ARID2: variants seen among roughly 807,000 people sequenced by gnomAD.
ARID2 encodes the protein AT-rich interactive domain-containing protein 2.
Under a neutral mutation model 184.6 loss-of-function variants are expected in ARID2, and 32 were observed. The observed-to-expected ratio is 0.17, with a 90% CI of 0.13 to 0.23. The LOEUF (loss-of-function observed/expected upper bound fraction) is 0.23, where lower values mean the gene tolerates loss of function less well. Among genes scored for constraint, ARID2 ranks in the 10% least tolerant of loss-of-function variants. The pLI is 1.00. For synonymous variants in ARID2, 836 were observed against 772.6 expected (o/e 1.08, Z -1.36); for missense variants, 1,696 against 2,197.6 (o/e 0.77, Z 4.56).
chr12:45,885,817 A>T (rs190701167), intron 16 of ARID2, among the ~76,000 whole-genome samples: 60 of 152,332 alleles, frequency 3.9e-4, no homozygotes, highest in African/African-American at 1.3e-3. Context: ...CTCACTCAGT[A>T]TCACAAGAAC....
chr12:45,822,680 T>G (rs887148829), intron 6 of ARID2, among the ~76,000 whole-genome samples: 1 of 152,154 alleles, frequency 6.6e-6, no homozygotes, highest in African/African-American at 2.4e-5. Context: ...GTTGTAAAAA[T>G]TTTGATATTG....
intron 14 of ARID2, 65 bp downstream of exon 14, chr12:45,849,841 A>G (rs1943509363): frequency 1.3e-6 from 2 of 1,493,852 alleles, no homozygotes; most frequent in Middle Eastern, 2.3e-4. Context: ...TGAAAAATAT[A>G]TATTCTATGC....
intron 11 of ARID2, chr12:45,841,176 G>A (rs1486383873): frequency 6.6e-6 from 1 of 152,214 alleles, no homozygotes; most frequent in Non-Finnish European, 1.5e-5. Flanking sequence ...TTGATAAAAT[G>A]TCAGTGAATA....
chr12:45,795,526 G>A (rs1331916642), intron 3 of ARID2, among the ~76,000 whole-genome samples: 1 of 151,924 alleles, frequency 6.6e-6, no homozygotes, highest in East Asian at 1.9e-4. Flanking sequence ...TCCGCCTCCC[G>A]GGTTCACGCC....
At chr12:45,747,249 A>G (rs1941377698) in intron 3 of ARID2, among the ~76,000 whole-genome samples, 1 of 152,114 alleles carries the variant, frequency 6.6e-6, no homozygotes, top group African/African-American at 2.4e-5. Context: ...TCTTTAATGT[A>G]TCTTTTTGTA....
At chr12:45,854,598 C>T (rs1021581385) in intron 15 of ARID2, among the ~76,000 whole-genome samples, 5 of 152,154 alleles carry the variant, frequency 3.3e-5, no homozygotes, top group African/African-American at 1.2e-4. Flanking sequence ...TAATTTCCCA[C>T]TTCACCTTGA....
At chr12:45,820,374 T>C (rs1023367081) in intron 5 of ARID2, among the ~76,000 whole-genome samples, 1 of 152,204 alleles carries the variant, frequency 6.6e-6, no homozygotes, top group Non-Finnish European at 1.5e-5. Context: ...TTTATTTTAC[T>C]CAATTTTAAC....
At chr12:45,887,206 A>G (rs941748632) in intron 16 of ARID2, among the ~76,000 whole-genome samples, 1 of 152,232 alleles carries the variant, frequency 6.6e-6, no homozygotes, top group Non-Finnish European at 1.5e-5. Context: ...AATAATAAGC[A>G]GGAAACCAAC....
chr12:45,895,162 T>C (rs368275335), intron 20 of ARID2, among the ~76,000 whole-genome samples: 13 of 152,256 alleles, frequency 8.5e-5, no homozygotes, highest in East Asian at 7.7e-4. Context: ...TTTTTTTATG[T>C]GGCTTTTTCC....
chr12:45,753,810 T>C (rs1941513776), intron 3 of ARID2, among the ~76,000 whole-genome samples: 1 of 152,116 alleles, frequency 6.6e-6, no homozygotes, highest in Admixed American at 6.5e-5. Flanking sequence ...CTCAGGCTGG[T>C]CTCGAACTCC....
At chr12:45,758,304 G>A (rs1425788667) in intron 3 of ARID2, among the ~76,000 whole-genome samples, 2 of 152,002 alleles carry the variant, frequency 1.3e-5, no homozygotes, top group Admixed American at 6.6e-5. Flanking sequence ...ATGCAGCCCC[G>A]TGGGCTGTAT....
chr12:45,905,952 C>CTTTTTTTTTTTTTTTTTT lies in ARID2; in HGVS notation c.*885_*886insTTTTTTTTTTTTTTTTTT, dbSNP rs200988904. 9.5e-5 allele frequency: 13 copies of CTTTTTTTTTTTTTTTTTT among 137,260 alleles called. No homozygotes were observed. The highest frequency in any genetic ancestry group is 2.7e-4 in the South Asian group (1 of 3,674). 8.5% of individuals were successfully genotyped at this position (137,260 alleles called of 1,614,324 possible). ...TTTTTTCTTTTTTCTTTTTTTTTTT[C>CTTTTTTTTTTTTTTTTTT]TTTTTTTTTTTGTATTATACACCTT... On this transcript the variant is annotated 3_prime_UTR_variant, in exon 21 of 21. Transcript: ENST00000334344.
chr12:45,784,537 G>T (rs985611587), intron 3 of ARID2, among the ~76,000 whole-genome samples: 7 of 152,076 alleles, frequency 4.6e-5, no homozygotes, highest in Non-Finnish European at 1.5e-5. Context: ...AATTAGCTGG[G>T]TATGGTCCCA....
chr12:45,745,655 C>A (rs1941341142), intron 3 of ARID2, among the ~76,000 whole-genome samples: 3 of 152,312 alleles, frequency 2.0e-5, no homozygotes, highest in African/African-American at 7.2e-5. Flanking sequence ...TCAAGTGATT[C>A]TCATGTTTCA....
chr12:45,889,762 AC>A (rs1266435106), intron 16 of ARID2, among the ~76,000 whole-genome samples: 4 of 152,190 alleles, frequency 2.6e-5, no homozygotes, highest in Non-Finnish European at 5.9e-5. Context: ...ACATGGCGAA[AC>A]CCCGTCTTGC....
At chr12:45,891,748 A>G (rs762654284) in intron 16 of ARID2, 32 bp from the exon 17 acceptor site, 7 of 1,604,422 alleles carry the variant, frequency 4.4e-6, no homozygotes, top group Non-Finnish European at 5.1e-6. Context: ...ACTTGAATAC[A>G]TCCAAGTGTC....
chr12:45,906,369 G>GC lies in ARID2; in HGVS notation c.*1293dup. On this transcript the variant is annotated 3_prime_UTR_variant, in exon 21 of 21. Coordinates refer to ENST00000334344, the MANE Select transcript of ARID2 (RefSeq NM_152641.4). ...GCGTGAAATGTATCCATTTATAACT[G>GC]CCTATTGCCTGTTCTATTAGCATCC... 4.3e-6 allele frequency: 1 copy of GC among 232,944 alleles called. No individual in the cohort carries two copies. The highest frequency in any genetic ancestry group is 6.1e-5 in the East Asian group (1 of 16,446). 14.4% of individuals were successfully genotyped at this position (232,944 alleles called of 1,614,324 possible).
In ARID2 at chr12:45,729,724, C is replaced by CCCG. The variant is rs540748478; in HGVS notation, c.-103_-101dup. On this transcript the variant is annotated 5_prime_UTR_variant, in exon 1 of 21. Transcript: ENST00000334344. ...CGCCACCGCCGGCCCATGACTGAGCCCCGCCGCCGCCGGCCGAGGAATGGG... is the reference window on the plus strand; with the variant it reads ...CGCCACCGCCGGCCCATGACTGAGCCCCGCCGCCGCCGCCGGCCGAGGAATGGG... 578 of 1,091,314 alleles carry CCCG rather than the reference C, an allele frequency of 5.3e-4. 5 individuals are homozygous for CCCG. In the African/African-American group the frequency reaches 8.1e-3, roughly 15 times the overall value. The allele number at this position is 1,091,314 out of a possible 1,614,324, so 67.6% of individuals were successfully genotyped here. A position where few individuals can be genotyped will look rare whatever the true frequency, so the allele number is the denominator to read the frequency against.
chr12:45,878,393 T>G (rs1447042914), intron 16 of ARID2, among the ~76,000 whole-genome samples: 1 of 152,186 alleles, frequency 6.6e-6, no homozygotes, highest in South Asian at 2.1e-4. Context: ...CCACAGTCCT[T>G]GAATATTCTG....
Sources: gnomAD v4.1 joint callset for allele counts (sites outside exome capture counted in the v4.1 genomes callset) on GRCh38, gnomAD v4.1.1 for gene constraint, MANE v1.5 for transcripts, NCBI Gene and HGNC (gene_info 2026-07-23, HGNC 2026-07-21) for gene names.